Variants in SAR1B observed in about 807,000 individuals in gnomAD.
The protein encoded by SAR1B is small COPII coat GTPase SAR1B.
A neutral mutation model predicts 26.8 loss-of-function variants in SAR1B; 23 were observed. That is an observed-to-expected ratio of 0.86 (90% CI 0.62 to 1.22). SAR1B has a LOEUF of 1.22. Among genes scored for constraint, SAR1B ranks in the 50% most tolerant of loss-of-function variants. The probability of loss-of-function intolerance (pLI) is 0.00; values close to 1 mark genes in which losing one functional copy is unlikely to be tolerated. For synonymous variants in SAR1B, 65 were observed against 80.8 expected (o/e 0.80, Z 1.05); for missense variants, 196 against 232.8 (o/e 0.84, Z 1.03).
intron 3 of SAR1B, among the ~76,000 whole-genome samples, chr5:134,619,036 A>G (rs937393389): frequency 6.6e-6 from 1 of 151,118 alleles, no homozygotes; most frequent in Non-Finnish European, 1.5e-5. Context: ...ATTATTAAAA[A>G]ACATTATTTT....
intron 1 of SAR1B, chr5:134,631,557 T>C (rs191010108): frequency 5.3e-5 from 8 of 152,332 alleles, no homozygotes; most frequent in Non-Finnish European, 1.0e-4. Flanking sequence ...TAGGACGTCT[T>C]CAAAGACACT....
At chr5:134,622,045 A>T (rs1451026729) in intron 2 of SAR1B, among the ~76,000 whole-genome samples, 1 of 152,182 alleles carries the variant, frequency 6.6e-6, no homozygotes, top group Non-Finnish European at 1.5e-5. Flanking sequence ...TTACATGTTT[A>T]ATGGTCTAAC....
chr5:134,611,724 CAAGGGAGG>C (rs1561784636), intron 4 of SAR1B, among the ~76,000 whole-genome samples: 1 of 151,958 alleles, frequency 6.6e-6, no homozygotes, highest in Non-Finnish European at 1.5e-5. Context: ...AATGGCTTCC[CAAGGGAGG>C]TAGCAGGGCA....
intron 3 of SAR1B, among the ~76,000 whole-genome samples, chr5:134,615,097 C>G (rs371189755): frequency 1.3e-5 from 2 of 152,042 alleles, no homozygotes; most frequent in African/African-American, 4.8e-5. Flanking sequence ...GCCTGTAATC[C>G]CAGCACTTTG....
intron 1 of SAR1B, among the ~76,000 whole-genome samples, chr5:134,630,889 CTTTTTTTTTTTTT>C (rs781218368): frequency 1.4e-5 from 1 of 69,122 alleles, no homozygotes; most frequent in Non-Finnish European, 2.8e-5. Flanking sequence ...CTTTTTTTTT[CTTTTTTTTTTTTT>C]TTTTTTTTTT....
intron 2 of SAR1B, among the ~76,000 whole-genome samples, chr5:134,621,697 A>G (rs1484038360): frequency 6.6e-6 from 1 of 152,190 alleles, no homozygotes; most frequent in African/African-American, 2.4e-5. Context: ...ACCAATTTAT[A>G]ATAGACTGGA....
intron 1 of SAR1B, chr5:134,625,723 A>T (rs1475770879): frequency 1.3e-5 from 2 of 152,146 alleles, no homozygotes; most frequent in African/African-American, 4.8e-5. Flanking sequence ...GGTGACAGAT[A>T]CTGGAAGCCA....
At chr5:134,608,266 T>G (rs935059165) in intron 6 of SAR1B, 106 bp downstream of exon 6, 1 of 1,228,616 alleles carries the variant, frequency 8.1e-7, no homozygotes, top group Admixed American at 2.2e-5. Context: ...GACAGTTTTC[T>G]TTAAGAAAAT....
intron 3 of SAR1B, among the ~76,000 whole-genome samples, chr5:134,616,131 GAAAAAAA>G (rs1218921148): frequency 1.4e-5 from 1 of 69,454 alleles, no homozygotes; most frequent in Non-Finnish European, 2.8e-5. Context: ...CTCCATCTCG[GAAAAAAA>G]AAAAAAAAAA....
intron 4 of SAR1B, among the ~76,000 whole-genome samples, chr5:134,611,700 G>A (rs1323139672): frequency 6.6e-6 from 1 of 152,218 alleles, no homozygotes. Context: ...ATAGCTGAGA[G>A]CACTCCAACT....
chr5:134,609,078 C>T (rs1225542362), intron 5 of SAR1B: 6 of 456,770 alleles, frequency 1.3e-5, no homozygotes, highest in African/African-American at 1.2e-4. Context: ...TCTGTGGCCC[C>T]AGATCTGGTG....
intron 2 of SAR1B, 25 bp from the exon 3 acceptor site, chr5:134,621,077 T>G: frequency 6.2e-7 from 1 of 1,610,046 alleles, no homozygotes; most frequent in Non-Finnish European, 8.5e-7. Flanking sequence ...CTATGATTGG[T>G]CAAAGTGATA....
chr5:134,621,940 G>T (rs1462893668), intron 2 of SAR1B, among the ~76,000 whole-genome samples: 1 of 152,152 alleles, frequency 6.6e-6, no homozygotes, highest in African/African-American at 2.4e-5. Flanking sequence ...GTTTCACCAT[G>T]TTGGCCAGGC....
At chr5:134,619,314 G>C (rs1293537368) in intron 3 of SAR1B, among the ~76,000 whole-genome samples, 1 of 123,330 alleles carries the variant, frequency 8.1e-6, no homozygotes, top group African/African-American at 2.7e-5. Flanking sequence ...GTGGGCAACA[G>C]AGCAAGACTC....
intron 1 of SAR1B, among the ~76,000 whole-genome samples, chr5:134,629,807 A>G (rs1400188225): frequency 6.6e-6 from 1 of 151,122 alleles, no homozygotes; most frequent in African/African-American, 2.4e-5. Context: ...AATTGCTTGA[A>G]CCCGGGAGAC....
intron 2 of SAR1B, among the ~76,000 whole-genome samples, chr5:134,622,410 C>CTTTTTTTTTTTT (rs70976542): frequency 7.4e-6 from 1 of 135,608 alleles, no homozygotes; most frequent in African/African-American, 2.7e-5. Context: ...AGCCCATATT[C>CTTTTTTTTTTTT]TTTTTTTTTT....
Position 134,606,546 on chromosome 5 carries a change from T to G in SAR1B, c.*404A>C. The G allele has an allele frequency of 4.4e-6, 1 of 225,982 alleles. No homozygotes were observed. Among genetic ancestry groups the G allele is most frequent in the Non-Finnish European group, 9.0e-6 (1 of 111,118 alleles). The allele number at this position is 225,982 out of a possible 1,614,324, so 14.0% of individuals were successfully genotyped here. A position where few individuals can be genotyped will look rare whatever the true frequency, so the allele number is the denominator to read the frequency against. On this transcript the variant is annotated 3_prime_UTR_variant, in exon 7 of 7. Coordinates refer to ENST00000402673, the MANE Select transcript of SAR1B (RefSeq NM_016103.4). Reference sequence around the variant, plus strand: ...CTAATTATTAACTGTACACTTAAGATAGGTGGACATATAATCTAAAATTTA... The same window carrying G: ...CTAATTATTAACTGTACACTTAAGAGAGGTGGACATATAATCTAAAATTTA...
chr5:134,626,425 A>T (rs529253672), intron 1 of SAR1B, among the ~76,000 whole-genome samples: 1 of 152,206 alleles, frequency 6.6e-6, no homozygotes, highest in East Asian at 1.9e-4. Context: ...AAAAATGCCC[A>T]ACTAAGAATA....
intron 1 of SAR1B, among the ~76,000 whole-genome samples, chr5:134,627,703 G>A (rs1765517215): frequency 1.3e-5 from 2 of 152,010 alleles, no homozygotes; most frequent in Admixed American, 6.6e-5. Context: ...GGAGGCTGAG[G>A]CAGGAGAATG....
Sources: gnomAD v4.1 joint callset for allele counts (sites outside exome capture counted in the v4.1 genomes callset) on GRCh38, gnomAD v4.1.1 for gene constraint, MANE v1.5 for transcripts, NCBI Gene and HGNC (gene_info 2026-07-23, HGNC 2026-07-21) for gene names.